PNOC: variants seen among roughly 807,000 people sequenced by gnomAD.
PNOC encodes the protein prepronociceptin.
PNOC carries 10 observed loss-of-function variants against 15.6 expected under a neutral mutation model. The ratio of observed to expected loss-of-function variants is 0.64; its 90% CI spans 0.40 to 1.09. The LOEUF is 1.09. PNOC is among the 50% of genes least tolerant of loss of function. The pLI, the probability that PNOC is intolerant of heterozygous loss-of-function variation, is 0.01. For missense variants in PNOC, 220 were observed against 223.9 expected, an observed-to-expected ratio of 0.98 and a Z score of 0.11; for synonymous variants, 98 against 88.5, an observed-to-expected ratio of 1.11 and a Z score of -0.60.
chr8:28,329,354 A>G, intron 2 of PNOC, 71 bp downstream of exon 2: 1 of 1,570,198 alleles, frequency 6.4e-7, no homozygotes. Context: ...ACTCCAGAGC[A>G]GACTCTGAGT....
At chr8:28,339,615 C>A in intron 3 of PNOC, 124 bp downstream of exon 3, 3 of 738,350 alleles carry the variant, frequency 4.1e-6, no homozygotes, top group Non-Finnish European at 5.9e-6. Flanking sequence ...ACACACACAC[C>A]CCGCAAGGAG....
chr8:28,318,294 T>A (rs1201041912), intron 1 of PNOC, among the ~76,000 whole-genome samples: 2 of 152,170 alleles, frequency 1.3e-5, no homozygotes, highest in Non-Finnish European at 2.9e-5. Flanking sequence ...AATGGACTAT[T>A]TAAAGCAAGC....
intron 1 of PNOC, among the ~76,000 whole-genome samples, chr8:28,321,137 C>G (rs1801145547): frequency 6.6e-6 from 1 of 151,662 alleles, no homozygotes; most frequent in African/African-American, 2.4e-5. Flanking sequence ...CTCCTGGGCC[C>G]AAGCTATCCT....
chr8:28,342,503 A>G (rs1801539499), intron 3 of PNOC, among the ~76,000 whole-genome samples: 1 of 151,966 alleles, frequency 6.6e-6, no homozygotes, highest in African/African-American at 2.4e-5. Context: ...ACCCTATACT[A>G]CCTTCCTCTT....
chr8:28,342,860 C>A, intron 3 of PNOC, 82 bp from the exon 4 acceptor site: 1 of 484,290 alleles, frequency 2.1e-6, no homozygotes, highest in Non-Finnish European at 2.7e-6. Context: ...CTCCCTTTCA[C>A]TGCTTCCGTC....
At chr8:28,332,595 T>C (rs1183824519) in intron 2 of PNOC, among the ~76,000 whole-genome samples, 1 of 152,154 alleles carries the variant, frequency 6.6e-6, no homozygotes, top group African/African-American at 2.4e-5. Context: ...CACTGAGTTG[T>C]TTTAGAGACA....
rs1585824437 is a variant in PNOC at position 28,320,719 on chromosome 8, T to C, written c.-24+3403T>C. ...CAAAAAAATTCTCTGGGCGTGGCGG[T>C]GGGCGCCTGTAGTCCCAGCTACTCG... On this transcript the variant is annotated intron_variant, in intron 1 of 3. Coordinates refer to ENST00000301908, the MANE Select transcript of PNOC (RefSeq NM_006228.5). Among the ~76,000 whole-genome samples, 4 of 151,598 alleles carry C rather than the reference T, an allele frequency of 2.6e-5. No individual in the cohort carries two copies. The East Asian group carries it at 5.9e-4, about 22-fold the overall frequency.
At chr8:28,341,399 A>G (rs958388994) in intron 3 of PNOC, among the ~76,000 whole-genome samples, 2 of 152,218 alleles carry the variant, frequency 1.3e-5, no homozygotes, top group Non-Finnish European at 2.9e-5. Flanking sequence ...TTTCTAACAC[A>G]TATCTGCACA....
At chr8:28,333,478 G>T (rs745461691) in intron 2 of PNOC, among the ~76,000 whole-genome samples, 2 of 152,200 alleles carry the variant, frequency 1.3e-5, no homozygotes, top group Non-Finnish European at 2.9e-5. Context: ...CCGCACCAGA[G>T]GGTCAGGCAT....
intron 2 of PNOC, among the ~76,000 whole-genome samples, chr8:28,330,386 A>ATTTTTTTT (rs1365236960): frequency 5.0e-5 from 3 of 59,788 alleles, no homozygotes; most frequent in Non-Finnish European, 1.3e-4. Context: ...ATTTTATTTT[A>ATTTTTTTT]TTTTATTTTA....
At chr8:28,332,321 C>T (rs1013461027) in intron 2 of PNOC, among the ~76,000 whole-genome samples, 6 of 152,154 alleles carry the variant, frequency 3.9e-5, no homozygotes, top group African/African-American at 1.4e-4. Context: ...GATCAGGGGA[C>T]TCATATTTCA....
At chr8:28,330,400 T>TATTTTTTTTTTTTATTTTA (rs1431540071) in intron 2 of PNOC, among the ~76,000 whole-genome samples, 1 of 102,230 alleles carries the variant, frequency 9.8e-6, no homozygotes, top group Non-Finnish European at 2.0e-5. Context: ...TATTTTATTT[T>TATTTTTTTTTTTTATTTTA]TTTTTTTTTT....
At chr8:28,330,560 C>CTTTTTTTTTTTT (rs34364812) in intron 2 of PNOC, among the ~76,000 whole-genome samples, 9 of 105,044 alleles carry the variant, frequency 8.6e-5, no homozygotes, top group Non-Finnish European at 1.6e-4. Flanking sequence ...CACCCGGCTA[C>CTTTTTTTTTTTT]TTTTTTTTTT....
chr8:28,322,406 T>G (rs984845069), intron 1 of PNOC, among the ~76,000 whole-genome samples: 2 of 151,516 alleles, frequency 1.3e-5, no homozygotes, highest in Non-Finnish European at 2.9e-5. Context: ...AAATAAAAAA[T>G]AAGAAGTAAA....
chr8:28,339,117 C>T lies in PNOC; in HGVS notation c.204C>T (p.Ser68=). The change falls in exon 3 of 4, where the codon AGC becomes AGT. Residue 68 remains serine, a synonymous_variant. Transcript: ENST00000301908. The part of the protein sequence containing the change: ...WTPCTKVMAR[S]SWQLSPAAPE... Reference sequence around the variant, plus strand: ...CATGCACCAAGGTCATGGCCAGGAGCTCTTGGCAGCTCAGCCCTGCCGCCC... The same window carrying T: ...CATGCACCAAGGTCATGGCCAGGAGTTCTTGGCAGCTCAGCCCTGCCGCCC... 6.2e-7 allele frequency: 1 copy of T among 1,611,752 alleles called. No homozygotes were observed. Among genetic ancestry groups the T allele is most frequent in the African/African-American group, 1.3e-5 (1 of 75,028 alleles).
intron 2 of PNOC, among the ~76,000 whole-genome samples, chr8:28,336,478 A>G (rs1466398857): frequency 1.3e-5 from 2 of 152,220 alleles, no homozygotes; most frequent in African/African-American, 4.8e-5. Context: ...CATCCAAGGG[A>G]CAGAGAGAAA....
At chr8:28,324,541 A>G (rs980443252) in intron 1 of PNOC, among the ~76,000 whole-genome samples, 1 of 152,338 alleles carries the variant, frequency 6.6e-6, no homozygotes, top group East Asian at 1.9e-4. Context: ...TTCTACAAAA[A>G]TGTCTAGAAA....
chr8:28,329,455 C>T (rs6989655), intron 2 of PNOC, among the ~76,000 whole-genome samples, 172 bp downstream of exon 2: 45,017 of 152,122 alleles, frequency 0.3, 7,302 homozygotes, highest in Admixed American at 0.44. Flanking sequence ...GCTCTTCTGA[C>T]CCAGAACCTT....
At chr8:28,324,093 C>G (rs574927580) in intron 1 of PNOC, among the ~76,000 whole-genome samples, 1 of 152,344 alleles carries the variant, frequency 6.6e-6, no homozygotes, top group East Asian at 1.9e-4. Flanking sequence ...CTCTGACCCA[C>G]AGGGAGGTCC....
Sources: allele counts gnomAD v4.1 joint callset (sites outside exome capture counted in the v4.1 genomes callset), GRCh38; gene constraint gnomAD v4.1.1; transcripts MANE v1.5; gene names NCBI Gene and HGNC (gene_info 2026-07-23, HGNC 2026-07-21).